Variants in NOS1AP observed in about 807,000 individuals in gnomAD.
NOS1AP encodes the protein carboxyl-terminal PDZ ligand of neuronal nitric oxide synthase protein.
In NOS1AP, 21 loss-of-function variants were observed where a neutral mutation model predicts 56.2. The ratio of observed to expected loss-of-function variants is 0.37; its 90% CI spans 0.26 to 0.54. NOS1AP has a LOEUF of 0.54. NOS1AP is among the 20% of genes least tolerant of loss of function. The pLI is 0.84. For missense variants in NOS1AP, 522 were observed against 657.8 expected (o/e 0.79, Z 2.26); for synonymous variants, 270 against 274.6 (o/e 0.98, Z 0.17).
At chr1:162,226,177 C>T (rs1480890554) in intron 2 of NOS1AP, among the ~76,000 whole-genome samples, 4 of 152,084 alleles carry the variant, frequency 2.6e-5, no homozygotes, top group African/African-American at 7.2e-5. Context: ...CCTGTAATCC[C>T]AGCTACTTGG....
intron 1 of NOS1AP, among the ~76,000 whole-genome samples, chr1:162,150,991 T>A (rs1649680418): frequency 6.6e-6 from 1 of 152,222 alleles, no homozygotes; most frequent in African/African-American, 2.4e-5. Context: ...CTATTTTTGC[T>A]TTGGTTGCCT....
intron 2 of NOS1AP, among the ~76,000 whole-genome samples, chr1:162,245,578 G>A (rs538338089): frequency 3.3e-5 from 5 of 152,278 alleles, no homozygotes; most frequent in South Asian, 4.2e-4. Flanking sequence ...AAATGCAAGC[G>A]CTTGTACATG....
intron 2 of NOS1AP, among the ~76,000 whole-genome samples, chr1:162,271,133 G>A (rs1654570038): frequency 6.6e-6 from 1 of 152,088 alleles, no homozygotes; most frequent in Non-Finnish European, 1.5e-5. Context: ...GGCTTAAATG[G>A]TCGTGGGGGG....
At chr1:162,097,881 G>T (rs908294667) in intron 1 of NOS1AP, among the ~76,000 whole-genome samples, 1 of 151,562 alleles carries the variant, frequency 6.6e-6, no homozygotes, top group African/African-American at 2.4e-5. Flanking sequence ...TTTAAAATAG[G>T]TATATTTATA....
intron 1 of NOS1AP, among the ~76,000 whole-genome samples, chr1:162,082,768 A>C (rs535532999): frequency 1.8e-4 from 28 of 152,232 alleles, no homozygotes; most frequent in Non-Finnish European, 1.5e-5. Flanking sequence ...CAGAGGCCCC[A>C]TGGTGCCTCT....
chr1:162,279,884 G>C (rs1320340719), intron 2 of NOS1AP, among the ~76,000 whole-genome samples: 1 of 152,162 alleles, frequency 6.6e-6, no homozygotes, highest in African/African-American at 2.4e-5. Context: ...TCCAGATATG[G>C]GTTTTCTGCT....
intron 2 of NOS1AP, among the ~76,000 whole-genome samples, chr1:162,187,106 A>G (rs1651462147): frequency 6.6e-6 from 1 of 152,048 alleles, no homozygotes; most frequent in Non-Finnish European, 1.5e-5. Flanking sequence ...AGCTGGGACT[A>G]TAGGCCGCAC....
chr1:162,154,793 G>C (rs1571071253), intron 2 of NOS1AP, among the ~76,000 whole-genome samples: 1 of 152,202 alleles, frequency 6.6e-6, no homozygotes, highest in East Asian at 1.9e-4. Context: ...TTTATTCAAA[G>C]ATTTTAGGGA....
At chr1:162,125,513 A>G (rs972499812) in intron 1 of NOS1AP, among the ~76,000 whole-genome samples, 5 of 152,238 alleles carry the variant, frequency 3.3e-5, no homozygotes, top group African/African-American at 1.2e-4. Context: ...TTTTCTCAGC[A>G]TCATTTGTTG....
At chr1:162,186,911 T>C (rs558450099) in intron 2 of NOS1AP, among the ~76,000 whole-genome samples, 1 of 152,332 alleles carries the variant, frequency 6.6e-6, no homozygotes, top group Admixed American at 6.5e-5. Context: ...TTAACAAAAA[T>C]GAAATGTTAT....
intron 1 of NOS1AP, among the ~76,000 whole-genome samples, chr1:162,125,423 C>T (rs964980836): frequency 3.3e-5 from 5 of 152,042 alleles, no homozygotes; most frequent in African/African-American, 9.7e-5. Flanking sequence ...CATGAGCCAC[C>T]GCGCCTGGCC....
Position 162,343,871 on chromosome 1 carries a change from G to A in NOS1AP, c.490G>A (p.Ala164Thr). ...AMRIVRTVGQ[A>T]FEVCHKLSLQ... The stretch of plus-strand genomic sequence containing the variant: ...GAGAATCGTTCGGACGGTGGGGCAG[G>A]CCTTTGAGGTCTGCCACAAGCTGAG... Residue 164 changes from alanine to threonine, a missense_variant, in exon 6 of 10, where the codon GCC becomes ACC. Coordinates refer to ENST00000361897, the MANE Select transcript of NOS1AP (RefSeq NM_014697.3). 1 of 1,614,118 alleles carries A rather than the reference G, an allele frequency of 6.2e-7. No homozygotes were observed. Among genetic ancestry groups the A allele is most frequent in the Non-Finnish European group, 8.5e-7 (1 of 1,180,014 alleles).
At chr1:162,342,559 A>G (rs1279776500) in intron 5 of NOS1AP, 1 of 486,942 alleles carries the variant, frequency 2.1e-6, no homozygotes. Context: ...AGTAATAAGA[A>G]AGATGAGCTC....
In NOS1AP at chr1:162,257,015, C is replaced by A. The variant is rs149796935; in HGVS notation, c.178-30329C>A. Among the ~76,000 whole-genome samples the A allele has an allele frequency of 8.5e-5, 13 of 152,212 alleles. No individual in the cohort carries two copies. In the East Asian group the frequency reaches 2.5e-3, roughly 29 times the overall value. On this transcript the variant is annotated intron_variant, in intron 2 of 9. Coordinates refer to ENST00000361897, the MANE Select transcript of NOS1AP (RefSeq NM_014697.3). ...TAAGTGAAACTGACTTTTGTTCAGG[C>A]CTTTCCCAAGAATTGGTCAGAGGGC...
At chr1:162,113,852 G>A (rs1647810711) in intron 1 of NOS1AP, among the ~76,000 whole-genome samples, 1 of 152,020 alleles carries the variant, frequency 6.6e-6, no homozygotes, top group Non-Finnish European at 1.5e-5. Flanking sequence ...TCTTAGGAAG[G>A]AGGGCAGCCA....
chr1:162,158,689 T>G (rs1650072838), intron 2 of NOS1AP, among the ~76,000 whole-genome samples: 1 of 152,152 alleles, frequency 6.6e-6, no homozygotes, highest in Non-Finnish European at 1.5e-5. Flanking sequence ...ATTCCAGATC[T>G]GGTACTTTCC....
At chr1:162,169,812 G>T (rs1206380532) in intron 2 of NOS1AP, among the ~76,000 whole-genome samples, 1 of 152,158 alleles carries the variant, frequency 6.6e-6, no homozygotes, top group East Asian at 1.9e-4. Context: ...GCTTCACTGT[G>T]CCTGTCCAAC....
chr1:162,261,839 G>A (rs1306665420), intron 2 of NOS1AP, among the ~76,000 whole-genome samples: 1 of 152,162 alleles, frequency 6.6e-6, no homozygotes, highest in Non-Finnish European at 1.5e-5. Flanking sequence ...ATTGAGCTGG[G>A]AAAAGATCGG....
rs1557864731 is a variant in NOS1AP, at chr1:162,289,221, C to CTTCCTTCCT, written c.270+1787_270+1795dup. On this transcript the variant is annotated intron_variant, in intron 3 of 9. Transcript: ENST00000361897. ...CTTCCTTCCTTCCTTTCCTTCCTTC[C>CTTCCTTCCT]TTCCTTCCTTCCTTCCTTCCTTCCT... Among the ~76,000 whole-genome samples the CTTCCTTCCT allele has an allele frequency of 4.3e-3, 109 of 25,462 alleles. 1 individual carries two copies. The highest frequency in any genetic ancestry group is 0.015 in the African/African-American group (100 of 6,472). The allele number at this position is 25,462 out of a possible 152,430, so 16.7% of individuals were successfully genotyped here.
Sources: gnomAD v4.1 joint callset for allele counts (sites outside exome capture counted in the v4.1 genomes callset) on GRCh38, gnomAD v4.1.1 for gene constraint, MANE v1.5 for transcripts, NCBI Gene and HGNC (gene_info 2026-07-23, HGNC 2026-07-21) for gene names.